The following ZNF786 variants were observed in gnomAD, a reference collection of about 807,000 sequenced individuals.
ZNF786 encodes zinc finger protein 786.
In ZNF786, 56 loss-of-function variants were observed where a neutral mutation model predicts 63.1. The ratio of observed to expected loss-of-function variants is 0.89; its 90% confidence interval spans 0.72 to 1.11. The LOEUF is 1.11. ZNF786 is among the 50% of genes least tolerant of loss of function. The pLI is 0.00. For missense variants in ZNF786, 1,213 were observed against 1,041.8 expected (o/e 1.16, Z -2.26); for synonymous variants, 485 against 406.9 (o/e 1.19, Z -2.31).
rs1585471937 is a variant in ZNF786 at position 149,087,142 on chromosome 7, C to T, written c.18+3481G>A. Among the ~76,000 whole-genome samples the T allele has an allele frequency of 1.3e-5, 2 of 152,118 alleles. 1 individual carries two copies. The highest frequency in any genetic ancestry group is 4.1e-4 in the South Asian group (2 of 4,832). Reference sequence around the variant, plus strand: ...ACAGGCGTGAGCCACTGTGCCCAGCCGCAAATCCAATTTTGACATGAGATT... The same window carrying T: ...ACAGGCGTGAGCCACTGTGCCCAGCTGCAAATCCAATTTTGACATGAGATT... On this transcript the variant is annotated intron_variant, in intron 1 of 3. Transcript: ENST00000491431.
At chr7:149,075,120 C>T (rs759966769) in intron 2 of ZNF786, among the ~76,000 whole-genome samples, 22 of 152,278 alleles carry the variant, frequency 1.4e-4, no homozygotes, top group Middle Eastern at 3.4e-3. Flanking sequence ...TAAACCACTG[C>T]GCCCAGCCTT....
intron 2 of ZNF786, among the ~76,000 whole-genome samples, chr7:149,079,191 G>A (rs1338252756): frequency 5.9e-5 from 9 of 152,250 alleles, no homozygotes; most frequent in African/African-American, 2.2e-4. Flanking sequence ...GGCGGATCAC[G>A]AGGTCAGGAA....
intron 3 of ZNF786, among the ~76,000 whole-genome samples, chr7:149,073,808 A>C (rs1825492098): frequency 7.8e-6 from 1 of 128,086 alleles, no homozygotes; most frequent in Non-Finnish European, 1.6e-5. Context: ...TTTTTTTGAG[A>C]CTGAGACTTG....
rs1225246846 is a variant in ZNF786 at position 149,070,410 on chromosome 7, G to T, written c.*13C>A. On this transcript the variant is annotated 3_prime_UTR_variant, in exon 4 of 4. Transcript: ENST00000491431. ...ACCAATCCTGCTCAACGCTTTGGAT[G>T]TCCCACTCTGCCTCAACTCCAATCG... 6 of 1,609,536 alleles carry T rather than the reference G, an allele frequency of 3.7e-6. No homozygotes were observed. In the Admixed American group the frequency reaches 1.0e-4, roughly 27 times the overall value.
chr7:149,077,243 G>T (rs1446179638), intron 2 of ZNF786, among the ~76,000 whole-genome samples: 1 of 152,162 alleles, frequency 6.6e-6, no homozygotes, highest in African/African-American at 2.4e-5. Flanking sequence ...GCTCTATTGG[G>T]ATTCTGACTG....
At chr7:149,073,701 A>C (rs1825474784) in intron 3 of ZNF786, among the ~76,000 whole-genome samples, 1 of 143,588 alleles carries the variant, frequency 7.0e-6, no homozygotes, top group Non-Finnish European at 1.5e-5. Flanking sequence ...ATATGTATAT[A>C]CACGTGTGTG....
chr7:149,081,421 G>A (rs1426661907), intron 1 of ZNF786, among the ~76,000 whole-genome samples: 2 of 111,600 alleles, frequency 1.8e-5, no homozygotes, highest in Non-Finnish European at 3.3e-5. Flanking sequence ...GGGCGACAGA[G>A]CAAGACTCGG....
rs550256318 is a variant in ZNF786, at chr7:149,090,553, G to T, written c.18+70C>A. ...CGCACTCACGGGGACCCCAGGACAC[G>T]GGCGAGCCCGGAACCCGAGGACCCA... is the stretch of plus-strand genomic sequence containing the variant. On this transcript the variant is annotated intron_variant, in intron 1 of 3. Coordinates refer to ENST00000491431, the MANE Select transcript of ZNF786 (RefSeq NM_152411.4). The T allele has an allele frequency of 2.4e-5, 35 of 1,443,290 alleles. No individual in the cohort carries two copies. In the African/African-American group the frequency reaches 3.9e-4, roughly 16 times the overall value. The allele number at this position is 1,443,290 out of a possible 1,614,324, so 89.4% of individuals were successfully genotyped here.
chr7:149,070,233 G>T lies in ZNF786; in HGVS notation c.*190C>A, dbSNP rs745627510. On this transcript the variant is annotated 3_prime_UTR_variant, in exon 4 of 4. Coordinates refer to ENST00000491431, the MANE Select transcript of ZNF786 (RefSeq NM_152411.4). Reference sequence around the variant, plus strand: ...CTTGGAAAAAAAAAAAAAAAAGAAAGAAATATAATTGGTGATGCTTCTGAA... The same window carrying T: ...CTTGGAAAAAAAAAAAAAAAAGAAATAAATATAATTGGTGATGCTTCTGAA... The T allele has an allele frequency of 6.6e-5, 40 of 608,414 alleles. No individual in the cohort carries two copies. The highest frequency in any genetic ancestry group is 5.2e-4 in the Middle Eastern group (1 of 1,922). The allele number at this position is 608,414 out of a possible 1,614,324, so 37.7% of individuals were successfully genotyped here. A position where few individuals can be genotyped will look rare whatever the true frequency, so the allele number is the denominator to read the frequency against.
In ZNF786 at chr7:149,070,681, C is replaced by T. The variant is rs1336875232; in HGVS notation, c.2091G>A (p.Leu697=). 2 of 1,613,978 alleles carry T rather than the reference C, an allele frequency of 1.2e-6. No homozygotes were observed. The highest frequency in any genetic ancestry group is 4.5e-5 in the East Asian group (2 of 44,890). ...LKAQLLSHQG[L]HTGERPFHCP... ...AGTGAAAAGGCCTCTCCCCTGTGTG[C>T]AGGCCCTGATGGCTGAGCAGCTGCG... Residue 697 remains leucine (L), a synonymous_variant, in exon 4 of 4, where the codon CTG becomes CTA. Coordinates refer to ENST00000491431, the MANE Select transcript of ZNF786 (RefSeq NM_152411.4).
At chr7:149,079,447 A>G (rs1563138972) in intron 2 of ZNF786, among the ~76,000 whole-genome samples, 1 of 151,930 alleles carries the variant, frequency 6.6e-6, no homozygotes, top group Non-Finnish European at 1.5e-5. Flanking sequence ...TCGATCTTTC[A>G]CTTGATGCTT....
intron 1 of ZNF786, 119 bp from the exon 2 acceptor site, chr7:149,080,836 C>G: frequency 8.1e-7 from 1 of 1,236,654 alleles, no homozygotes; most frequent in African/African-American, 1.5e-5. Context: ...TGTTCAGCAG[C>G]TTCTTCCTGG....
chr7:149,079,334 G>A (rs1043594603), intron 2 of ZNF786, among the ~76,000 whole-genome samples: 1 of 151,642 alleles, frequency 6.6e-6, no homozygotes. Context: ...ACGTGAACCC[G>A]TAAGGCGGAG....
In ZNF786 at chr7:149,071,491, G is replaced by A; in HGVS notation, c.1281C>T (p.Cys427=). 2 of 1,611,168 alleles carry A rather than the reference G, an allele frequency of 1.2e-6. No homozygotes were observed. Among genetic ancestry groups the A allele is most frequent in the East Asian group, 2.2e-5 (1 of 44,728 alleles). Reference sequence around the variant, plus strand: ...TGGCGAAGCCCTTGCCACACTTCCTGCAGGAGAACGGTCTCTCCCCACCGT... The same window carrying A: ...TGGCGAAGCCCTTGCCACACTTCCTACAGGAGAACGGTCTCTCCCCACCGT... ...HAHGGERPFS[C]RKCGKGFAKQ... Residue 427 remains cysteine, a synonymous_variant, in exon 4 of 4, where the codon TGC becomes TGT. Coordinates refer to ENST00000491431, the MANE Select transcript of ZNF786 (RefSeq NM_152411.4).
At position 149,084,092 on chromosome 7, in the gene ZNF786, G is replaced by A. The variant is rs368536569; in HGVS notation, c.19-3375C>T. On this transcript the variant is annotated intron_variant, in intron 1 of 3. Transcript: ENST00000491431. ...AATGGTAATTCTGGCTGGGCGCGGT[G>A]GCTCACGCCTGTAATACCAGCACTT... Among the ~76,000 whole-genome samples, 29 of 152,204 alleles carry A rather than the reference G, an allele frequency of 1.9e-4. 2 individuals are homozygous for A. The highest frequency in any genetic ancestry group is 1.5e-3 in the Admixed American group (23 of 15,256).
At chr7:149,086,240 G>A (rs1304183493) in intron 1 of ZNF786, among the ~76,000 whole-genome samples, 1 of 152,154 alleles carries the variant, frequency 6.6e-6, no homozygotes, top group Non-Finnish European at 1.5e-5. Flanking sequence ...AAAGAAAAGA[G>A]GTTTATTTGG....
Position 149,071,408 on chromosome 7 carries a change from C to T in ZNF786, c.1364G>A (p.Cys455Tyr). ...RVHSGEKPFR[C>Y]AKCGRNFRQR... ...ACGGAAGTTCCTGCCACACTTGGCA[C>T]ACCGGAAAGGCTTCTCTCCGCTGTG... Residue 455 changes from cysteine to tyrosine, a missense_variant, in exon 4 of 4, where the codon TGT becomes TAT. Physicochemically the swap from Cys to Tyr is radical, Grantham distance 194. Coordinates refer to ENST00000491431, the MANE Select transcript of ZNF786 (RefSeq NM_152411.4). 6.2e-7 allele frequency: 1 copy of T among 1,613,452 alleles called. No homozygotes were observed. The highest frequency in any genetic ancestry group is 8.5e-7 in the Non-Finnish European group (1 of 1,179,806).
At chr7:149,082,254 A>C (rs540217644) in intron 1 of ZNF786, among the ~76,000 whole-genome samples, 133 of 152,266 alleles carry the variant, frequency 8.7e-4, no homozygotes, top group Non-Finnish European at 1.7e-3. Context: ...AGACCGTGTG[A>C]TTGTAAGTCT....
At chr7:149,072,527 G>C in intron 3 of ZNF786, 54 bp from the exon 4 acceptor site, 1 of 1,479,118 alleles carries the variant, frequency 6.8e-7, no homozygotes, top group South Asian at 1.4e-5. Context: ...CACTACTAGC[G>C]ATTCTCACAG....
Sources: allele counts gnomAD v4.1 joint callset (sites outside exome capture counted in the v4.1 genomes callset), GRCh38; gene constraint gnomAD v4.1.1; transcripts MANE v1.5; gene names NCBI Gene and HGNC (gene_info 2026-07-23, HGNC 2026-07-21).